NOP58: variants seen among roughly 807,000 people sequenced by gnomAD.
NOP58 encodes the protein nucleolar protein 58.
NOP58 carries 44 observed loss-of-function variants against 71.2 expected under a neutral mutation model. The observed-to-expected ratio is 0.62, with a 90% CI of 0.49 to 0.79. NOP58 has a LOEUF of 0.79. Among genes scored for constraint, NOP58 ranks in the 30% least tolerant of loss-of-function variants. The pLI, the probability that NOP58 is intolerant of heterozygous loss-of-function variation, is 0.00. For synonymous variants in NOP58, 228 were observed against 200.3 expected (o/e 1.14, Z -1.17); for missense variants, 538 against 620.2 (o/e 0.87, Z 1.41).
At position 202,282,426 on chromosome 2, in the gene NOP58, A is replaced by G. The variant is rs1452091083; in HGVS notation, c.251A>G (p.His84Arg). 1.2e-6 allele frequency: 2 copies of G among 1,613,164 alleles called. No homozygotes were observed. Among genetic ancestry groups the G allele is most frequent in the East Asian group, 2.2e-5 (1 of 44,880 alleles). ...CTGAAGAAAATAGTAAAAGAAGCCC[A>G]TGAACCGCTGGCAGTAGCTGATGCT... is the stretch of plus-strand genomic sequence containing the variant. ...KVLKKIVKEA[H>R]EPLAVADAKL... The change falls in exon 4 of 15, where the codon CAT (histidine) becomes CGT (arginine). Residue 84 changes from histidine (H) to arginine (R), a missense_variant. His to Arg is a conservative substitution (Grantham distance 29, BLOSUM62 0). Coordinates refer to ENST00000264279, the MANE Select transcript of NOP58 (RefSeq NM_015934.5).
At position 202,303,643 on chromosome 2, in the gene NOP58, A is replaced by C. The variant is rs1292954884; in HGVS notation, c.*207A>C. ...CTTAGAGTCTTTGATATACAAATAA[A>C]ATTTTCTTTGTATTTTAAGACAATT... On this transcript the variant is annotated 3_prime_UTR_variant, in exon 15 of 15. Coordinates refer to ENST00000264279, the MANE Select transcript of NOP58 (RefSeq NM_015934.5). 6 of 473,980 alleles carry C rather than the reference A, an allele frequency of 1.3e-5. No homozygotes were observed. Among genetic ancestry groups the C allele is most frequent in the Non-Finnish European group, 2.0e-5 (6 of 293,076 alleles). The allele number at this position is 473,980 out of a possible 1,614,324, so 29.4% of individuals were successfully genotyped here. A position where few individuals can be genotyped will look rare whatever the true frequency, so the allele number is the denominator to read the frequency against.
At chr2:202,276,830 G>A (rs1688599391) in intron 2 of NOP58, among the ~76,000 whole-genome samples, 1 of 151,450 alleles carries the variant, frequency 6.6e-6, no homozygotes, top group South Asian at 2.1e-4. Flanking sequence ...AGAGTGAAGT[G>A]AGACCCTGTC....
chr2:202,273,422 C>A (rs1160201581), intron 1 of NOP58, among the ~76,000 whole-genome samples: 1 of 152,114 alleles, frequency 6.6e-6, no homozygotes, highest in African/African-American at 2.4e-5. Context: ...TTAATCATTT[C>A]TTTTCAGCCA....
At chr2:202,282,313 TGA>T (rs1559262348) in intron 3 of NOP58, 36 bp from the exon 4 acceptor site, 2 of 1,571,266 alleles carry the variant, frequency 1.3e-6, no homozygotes, top group Admixed American at 2.0e-5. Flanking sequence ...GTTAAAAATT[TGA>T]GAGTTAATGC....
intron 6 of NOP58, among the ~76,000 whole-genome samples, chr2:202,288,815 C>CAA (rs372898277): frequency 7.2e-6 from 1 of 138,952 alleles, no homozygotes. Context: ...CACTCCGTCT[C>CAA]AAAAAAAAAA....
chr2:202,297,625 C>A, intron 11 of NOP58, 112 bp downstream of exon 11: 1 of 1,100,606 alleles, frequency 9.1e-7, no homozygotes, highest in Non-Finnish European at 1.3e-6. Flanking sequence ...ATTAGTATGT[C>A]TAAAGTATTC....
At chr2:202,296,203 C>CT (rs943849634) in intron 10 of NOP58, among the ~76,000 whole-genome samples, 38 of 147,648 alleles carry the variant, frequency 2.6e-4, no homozygotes, top group Middle Eastern at 3.5e-3. Flanking sequence ...AGTCACTAAA[C>CT]TTTTTTTTTT....
chr2:202,284,333 A>C lies in NOP58; in HGVS notation c.298-12A>C. 1 of 1,579,590 alleles carries C rather than the reference A, an allele frequency of 6.3e-7. No homozygotes were observed. The highest frequency in any genetic ancestry group is 8.6e-7 in the Non-Finnish European group (1 of 1,161,936). On this transcript the variant is annotated splice_polypyrimidine_tract_variant and intron_variant, in intron 4 of 14. Transcript: ENST00000264279. Reference sequence around the variant, plus strand: ...TTTTTTTAATTTAATATAGATGTTCATGTTCTTGTAGGAAAAGCTGAATCT... The same window carrying C: ...TTTTTTTAATTTAATATAGATGTTCCTGTTCTTGTAGGAAAAGCTGAATCT...
rs377430709 is a variant in NOP58, at chr2:202,276,297, G to A, written c.122+1108G>A. ...GGAAGTTGCAGTGAGCCGAGATTGC[G>A]CCACTGCACTCCAGTCTGGGTGTCA... On this transcript the variant is annotated intron_variant, in intron 2 of 14. Transcript: ENST00000264279. 49 of 206,038 alleles carry A rather than the reference G, an allele frequency of 2.4e-4. No individual in the cohort carries two copies. In the East Asian group the frequency reaches 4.5e-3, roughly 19 times the overall value. 12.8% of individuals were successfully genotyped at this position (206,038 alleles called of 1,614,324 possible). A position where few individuals can be genotyped will look rare whatever the true frequency, so the allele number is the denominator to read the frequency against.
intron 1 of NOP58, among the ~76,000 whole-genome samples, chr2:202,273,294 C>T (rs1183438731): frequency 1.3e-5 from 2 of 152,130 alleles, no homozygotes; most frequent in Admixed American, 1.3e-4. Context: ...ATTGTGTTCC[C>T]AACTGCAACA....
intron 1 of NOP58, among the ~76,000 whole-genome samples, chr2:202,273,680 C>T (rs1688544338): frequency 1.3e-5 from 2 of 152,198 alleles, no homozygotes; most frequent in South Asian, 4.1e-4. Flanking sequence ...TGTTGGCTCA[C>T]GCCTGTAATC....
At chr2:202,285,393 G>A (rs1392152840) in intron 5 of NOP58, among the ~76,000 whole-genome samples, 1 of 142,924 alleles carries the variant, frequency 7.0e-6, no homozygotes, top group Non-Finnish European at 1.5e-5. Context: ...CTGTTGCTCA[G>A]GCTGGGGTGC....
intron 1 of NOP58, among the ~76,000 whole-genome samples, chr2:202,271,195 C>A (rs1428971107): frequency 6.6e-6 from 1 of 152,124 alleles, no homozygotes; most frequent in Non-Finnish European, 1.5e-5. Context: ...AAAGGCACAA[C>A]CCCCATATTT....
chr2:202,266,083 G>A (rs1450863286), intron 1 of NOP58, 97 bp downstream of exon 1: 2 of 1,415,018 alleles, frequency 1.4e-6, no homozygotes, highest in African/African-American at 1.4e-5. Context: ...AGTAGCGTGG[G>A]TGCCTGTTAT....
intron 8 of NOP58, among the ~76,000 whole-genome samples, chr2:202,291,966 A>ATTT (rs1203276429): frequency 2.5e-5 from 2 of 80,302 alleles, no homozygotes; most frequent in Admixed American, 3.1e-4. Context: ...ATTGCTCAGA[A>ATTT]TCTTTTTTTT....
chr2:202,285,628 A>G (rs1170645055), intron 5 of NOP58, among the ~76,000 whole-genome samples: 1 of 152,034 alleles, frequency 6.6e-6, no homozygotes, highest in Non-Finnish European at 1.5e-5. Context: ...GGGGTGAGCC[A>G]CCATGCCCAG....
intron 1 of NOP58, among the ~76,000 whole-genome samples, chr2:202,269,447 G>A (rs1356270204): frequency 6.6e-6 from 1 of 151,292 alleles, no homozygotes; most frequent in African/African-American, 2.4e-5. Flanking sequence ...ACGGTGTTCT[G>A]CCCACTTATG....
chr2:202,294,379 T>A (rs2105853464), intron 9 of NOP58, among the ~76,000 whole-genome samples: 1 of 152,106 alleles, frequency 6.6e-6, no homozygotes, highest in East Asian at 1.9e-4. Flanking sequence ...GTTACACTTT[T>A]AAAACTATGT....
intron 7 of NOP58, 32 bp from the exon 8 acceptor site, chr2:202,291,093 A>G: frequency 6.5e-7 from 1 of 1,527,352 alleles, no homozygotes; most frequent in South Asian, 1.3e-5. Flanking sequence ...TTGAAGAGTG[A>G]TTCTCCCTCA....
Sources: gnomAD v4.1 joint callset for allele counts (sites outside exome capture counted in the v4.1 genomes callset) on GRCh38, gnomAD v4.1.1 for gene constraint, MANE v1.5 for transcripts, NCBI Gene and HGNC (gene_info 2026-07-23, HGNC 2026-07-21) for gene names.